RBSN: variants seen among roughly 807,000 people sequenced by gnomAD.
The protein encoded by RBSN is rabenosyn, RAB effector.
RBSN carries 34 observed loss-of-function variants against 60.5 expected under a neutral mutation model. That is an observed-to-expected ratio of 0.56 (90% confidence interval 0.43 to 0.75). The LOEUF is 0.75. Ranked by LOEUF, RBSN falls within the 30% of genes least tolerant of loss-of-function variation. The pLI is 0.00. For missense variants in RBSN, 845 were observed against 986.8 expected (o/e 0.86, Z 1.92); for synonymous variants, 322 against 366.9 (o/e 0.88, Z 1.40).
chr3:15,096,145 A>ATCCT lies in RBSN; in HGVS notation c.-26_-25insAGGA, dbSNP rs1443162864. 3 of 1,535,402 alleles carry ATCCT rather than the reference A, an allele frequency of 2.0e-6. No individual in the cohort carries two copies. Among genetic ancestry groups the ATCCT allele is most frequent in the Non-Finnish European group, 2.6e-6 (3 of 1,145,092 alleles). On this transcript the variant is annotated 5_prime_UTR_variant, in exon 4 of 14. An upstream open reading frame in the 5' UTR gains an earlier in-frame stop. Transcript: ENST00000253699. ...TGGCAGTGCCGCTCTCAACCCTAGGAAGGCAGGAATCTCATGCCAAGAGTC... is the reference window on the plus strand; with the variant it reads ...TGGCAGTGCCGCTCTCAACCCTAGGATCCTAGGCAGGAATCTCATGCCAAGAGTC...
intron 4 of RBSN, among the ~76,000 whole-genome samples, chr3:15,094,147 C>T (rs542278474): frequency 6.6e-6 from 1 of 152,214 alleles, no homozygotes; most frequent in Non-Finnish European, 1.5e-5. Context: ...AATCCGGGAA[C>T]ATTCTCTAAC....
chr3:15,091,307 C>A (rs1202253200), intron 4 of RBSN: 1 of 1,029,482 alleles, frequency 9.7e-7, no homozygotes, highest in East Asian at 8.8e-5. Context: ...TCATTTACCC[C>A]AGAAACTCAT....
In RBSN at chr3:15,073,742, G is replaced by T. The variant is rs201944804; in HGVS notation, c.*40C>A. On this transcript the variant is annotated 3_prime_UTR_variant, in exon 14 of 14. Transcript: ENST00000253699. The stretch of plus-strand genomic sequence containing the variant: ...CCTCTGTCCTGCTCCACTGGCTCCT[G>T]CCAGACCCCTGGGCCCAAAGGTGCC... 1.2e-4 allele frequency: 191 copies of T among 1,559,804 alleles called. No homozygotes were observed. In the African/African-American group the frequency reaches 2.4e-3, roughly 20 times the overall value.
At position 15,074,543 on chromosome 3, in the gene RBSN, G is replaced by A. The variant is rs780149999; in HGVS notation, c.1594C>T (p.Arg532Ter). The A allele has an allele frequency of 1.9e-6, 3 of 1,614,032 alleles. No individual in the cohort carries two copies. Among genetic ancestry groups the A allele is most frequent in the East Asian group, 2.2e-5 (1 of 44,886 alleles). The stretch of plus-strand genomic sequence containing the variant: ...GCCACCCGAAACTGCTCCCTTTCTC[G>A]TTCCAACTCCCGTTCACGCAACATC... ...LQMLRERELE[R>*]EREQFRVASL... The change falls in exon 14 of 14, where the codon CGA (arginine) becomes TGA (stop). Residue 532 changes from arginine (R) to a stop codon, truncating the protein, a stop_gained. Transcript: ENST00000253699. LOFTEE classifies it low-confidence loss of function (END_TRUNC). The surrounding 1 kb of genome is among the most constrained non-coding windows in gnomAD (Gnocchi z 6.4).
At position 15,082,267 on chromosome 3, in the gene RBSN, ACAACTTCC is replaced by A. The variant is rs1468336292; in HGVS notation, c.840+92_840+99del. 1.9e-5 allele frequency: 28 copies of A among 1,482,522 alleles called. No individual in the cohort carries two copies. Among genetic ancestry groups the A allele is most frequent in the Non-Finnish European group, 2.5e-5 (27 of 1,088,226 alleles). The allele number at this position is 1,482,522 out of a possible 1,614,324, so 91.8% of individuals were successfully genotyped here. A position where few individuals can be genotyped will look rare whatever the true frequency, so the allele number is the denominator to read the frequency against. On this transcript the variant is annotated intron_variant, in intron 9 of 13. Coordinates refer to ENST00000253699, the MANE Select transcript of RBSN (RefSeq NM_022340.4). The surrounding 1 kb of genome is among the most constrained non-coding windows in gnomAD (Gnocchi z 4.2). ...CAGGAACTACAAATAATTCAAACGA[ACAACTTCC>A]CAAAGCATTCTCCAGAATCTGCAGG...
Position 15,078,150 on chromosome 3 carries a change from G to A in RBSN, c.923C>T (p.Thr308Ile). 1 of 1,614,146 alleles carries A rather than the reference G, an allele frequency of 6.2e-7. No homozygotes were observed. Among genetic ancestry groups the A allele is most frequent in the South Asian group, 1.1e-5 (1 of 91,084 alleles). ...ACTGGCATGTTCCAGACTGTAGGTT[G>A]TCTCCCCAGCACTAAGGAGAAACCA... The part of the protein sequence containing the change: ...RMAASLNAGE[T>I]TYSLEHASDL... The change falls in exon 11 of 14, where the codon ACA becomes ATA. Residue 308 changes from threonine (T) to isoleucine (I), a missense_variant. Transcript: ENST00000253699.
intron 5 of RBSN, among the ~76,000 whole-genome samples, chr3:15,088,564 T>C (rs2043408582): frequency 6.6e-6 from 1 of 152,060 alleles, no homozygotes; most frequent in Non-Finnish European, 1.5e-5. Flanking sequence ...GTATTTTTAG[T>C]AGAGACGGGG....
intron 5 of RBSN, among the ~76,000 whole-genome samples, chr3:15,089,953 C>A (rs2043465672): frequency 6.6e-6 from 1 of 152,058 alleles, no homozygotes; most frequent in Non-Finnish European, 1.5e-5. Context: ...TTTTTATCAT[C>A]CCAAAAACAT....
rs1055819314 is a variant in RBSN, at chr3:15,084,610, A to G, written c.598+125T>C. The stretch of plus-strand genomic sequence containing the variant: ...GTGGGTTTCACAGAAACAGCAACTC[A>G]ATGAATGAAGATTCCCATGAGCCAT... On this transcript the variant is annotated intron_variant, in intron 8 of 13. Coordinates refer to ENST00000253699, the MANE Select transcript of RBSN (RefSeq NM_022340.4). The surrounding 1 kb of genome is among the most constrained non-coding windows in gnomAD (Gnocchi z 4.2). 20 of 1,282,994 alleles carry G rather than the reference A, an allele frequency of 1.6e-5. No homozygotes were observed. Among genetic ancestry groups the G allele is most frequent in the Admixed American group, 2.4e-5 (1 of 41,164 alleles). The allele number at this position is 1,282,994 out of a possible 1,614,324, so 79.5% of individuals were successfully genotyped here. A position where few individuals can be genotyped will look rare whatever the true frequency, so the allele number is the denominator to read the frequency against.
intron 5 of RBSN, 64 bp from the exon 6 acceptor site, chr3:15,086,025 C>A (rs1189882521): frequency 7.5e-7 from 1 of 1,340,538 alleles, no homozygotes; most frequent in Non-Finnish European, 1.1e-6. Flanking sequence ...CTAGTCTCTA[C>A]CTTGCCTCTT....
rs1384506212 is a variant in RBSN at position 15,082,071 on chromosome 3, C to T, written c.840+296G>A. Among the ~76,000 whole-genome samples, 1 of 152,198 alleles carries T rather than the reference C, an allele frequency of 6.6e-6. No homozygotes were observed. On this transcript the variant is annotated intron_variant, in intron 9 of 13. Coordinates refer to ENST00000253699, the MANE Select transcript of RBSN (RefSeq NM_022340.4). This position sits in a 1 kb window ranked among gnomAD's most constrained non-coding sequence, Gnocchi z 4.2. The stretch of plus-strand genomic sequence containing the variant: ...CTGCCCTTCCCACAGAACCTGTCTA[C>T]ACCACATGGCAACTGCCCTTCCTCC...
Position 15,074,833 on chromosome 3 carries a change from G to A in RBSN, c.1304C>T (p.Ala435Val), listed in dbSNP as rs1310527086. ...CCAGCCCTCAGCCTTTCTCAAGGGG[G>A]CAGGGCCCCTGCGGAGAGATGCCAC... is the stretch of plus-strand genomic sequence containing the variant. ...GEVASLRRGPAPLRKAEGWLP... is the reference protein window; with the variant it reads ...GEVASLRRGPVPLRKAEGWLP... Residue 435 changes from alanine (A) to valine (V), a missense_variant, in exon 14 of 14, where the codon GCC becomes GTC. Ala to Val is a moderately conservative substitution (Grantham distance 64, BLOSUM62 0). Coordinates refer to ENST00000253699, the MANE Select transcript of RBSN (RefSeq NM_022340.4). The surrounding 1 kb of genome is among the most constrained non-coding windows in gnomAD (Gnocchi z 6.4). 4 of 1,614,212 alleles carry A rather than the reference G, an allele frequency of 2.5e-6. No individual in the cohort carries two copies. Among genetic ancestry groups the A allele is most frequent in the Non-Finnish European group, 3.4e-6 (4 of 1,180,048 alleles).
At chr3:15,075,846 GGA>G (rs2043039478) in intron 12 of RBSN, 136 bp from the exon 13 acceptor site, 1 of 685,956 alleles carries the variant, frequency 1.5e-6, no homozygotes, top group African/African-American at 1.8e-5. Context: ...CAGCTAGAAA[GGA>G]GAGAACTCAT....
intron 5 of RBSN, among the ~76,000 whole-genome samples, chr3:15,089,247 C>T (rs1264079711): frequency 1.3e-5 from 2 of 152,018 alleles, no homozygotes; most frequent in Admixed American, 6.6e-5. Flanking sequence ...GGGAGGATCA[C>T]TTGAGCCCAG....
intron 12 of RBSN, 141 bp from the exon 13 acceptor site, chr3:15,075,851 G>T (rs930160873): frequency 1.5e-5 from 10 of 671,698 alleles, no homozygotes; most frequent in African/African-American, 1.3e-4. Context: ...AGAAAGGAGA[G>T]AACTCATATT....
At chr3:15,094,605 C>A (rs1405230214) in intron 4 of RBSN, among the ~76,000 whole-genome samples, 1 of 152,202 alleles carries the variant, frequency 6.6e-6, no homozygotes, top group Non-Finnish European at 1.5e-5. Flanking sequence ...TAAAGCACAG[C>A]ATTTTTTTCC....
chr3:15,085,086 G>A (rs749321431), intron 6 of RBSN, 41 bp from the exon 7 acceptor site: 3 of 1,609,346 alleles, frequency 1.9e-6, no homozygotes, highest in Non-Finnish European at 2.6e-6. Flanking sequence ...TTAACCAGGT[G>A]ATGTATACAT....
rs903641407 is a variant in RBSN at position 15,077,586 on chromosome 3, G to A, written c.999-422C>T. ...CTGCTGTATGTCTGGATGGACAAAG[G>A]CACCTCATCTTATTCTCCCTCTGAG... On this transcript the variant is annotated intron_variant, in intron 11 of 13. Coordinates refer to ENST00000253699, the MANE Select transcript of RBSN (RefSeq NM_022340.4). The surrounding 1 kb of genome is among the most constrained non-coding windows in gnomAD (Gnocchi z 4.4). 2.2e-4 allele frequency among the ~76,000 whole-genome samples: 34 copies of A among 152,188 alleles called. No individual in the cohort carries two copies.
chr3:15,088,817 A>T (rs968718723), intron 5 of RBSN, among the ~76,000 whole-genome samples: 17 of 152,212 alleles, frequency 1.1e-4, no homozygotes, highest in Admixed American at 1.1e-3. Flanking sequence ...GTGACTTTTA[A>T]TTTTATTTCA....
Sources: gnomAD v4.1 joint callset for allele counts (sites outside exome capture counted in the v4.1 genomes callset) on GRCh38, gnomAD v4.1.1 for gene constraint, Gnocchi (gnomAD v3.1) non-coding constraint, MANE v1.5 for transcripts, NCBI Gene and HGNC (gene_info 2026-07-23, HGNC 2026-07-21) for gene names.